The following MAOB variants were observed in gnomAD, a reference collection of about 807,000 sequenced individuals.
The protein encoded by MAOB is monoamine oxidase B.
In MAOB, 15 loss-of-function variants were observed where a neutral mutation model predicts 41.9. The observed-to-expected ratio is 0.36, with a 90% CI of 0.24 to 0.55. The LOEUF (loss-of-function observed/expected upper bound fraction) is 0.55. Ranked by LOEUF, MAOB falls within the 20% of genes least tolerant of loss-of-function variation. MAOB has a pLI of 0.86. For missense variants in MAOB, 345 were observed against 398.7 expected (o/e 0.87, Z 1.15); for synonymous variants, 167 against 144.2 (o/e 1.16, Z -1.13).
chrX:43,767,512 G>A lies in MAOB; in HGVS notation c.1517C>T (p.Ala506Val), dbSNP rs1398301212. 2 of 1,210,785 alleles carry A rather than the reference G, an allele frequency of 1.7e-6. No homozygotes were observed. The highest frequency in any genetic ancestry group is 2.2e-6 in the Non-Finnish European group (2 of 895,136). ...IGLTTIFSAT[A>V]LGFLAHKRGL... ...CCTTTTGTGGGCCAGGAAGCCAAGA[G>A]CCGTTGCTGAAAAGATGGTGGTCAA... The change falls in exon 15 of 15, where the codon GCT (alanine) becomes GTT (valine). Residue 506 changes from alanine (A) to valine (V), a missense_variant. By Grantham distance (64) the Ala-to-Val change is moderately conservative (BLOSUM62 0). Transcript: ENST00000378069.
rs186891358 is a variant in MAOB, at chrX:43,776,532, C to A, written c.1138-1260G>T. 2.1e-3 allele frequency among the ~76,000 whole-genome samples: 230 copies of A among 111,301 alleles called. 1 individual carries two copies. Among genetic ancestry groups the A allele is most frequent in the Non-Finnish European group, 3.7e-3 (194 of 53,043 alleles). On this transcript the variant is annotated intron_variant, in intron 11 of 14. Transcript: ENST00000378069. The stretch of plus-strand genomic sequence containing the variant: ...AACTTCACAAAGCTTGAATATCTAC[C>A]AGGGTGAAATATCTTGAATGGCTTT...
intron 3 of MAOB, among the ~76,000 whole-genome samples, chrX:43,826,689 A>G (rs1318666429): frequency 9.0e-6 from 1 of 111,713 alleles, no homozygotes; most frequent in African/African-American, 3.3e-5. Flanking sequence ...ATGGTGAGAA[A>G]TCACAAGTAT....
intron 3 of MAOB, among the ~76,000 whole-genome samples, chrX:43,828,389 G>A (rs1392368902): frequency 9.0e-6 from 1 of 110,787 alleles, no homozygotes; most frequent in African/African-American, 3.3e-5. Context: ...TAAATTCCTG[G>A]ATTAAGAATG....
At chrX:43,833,739 T>A (rs921619833) in intron 3 of MAOB, among the ~76,000 whole-genome samples, 4 of 112,359 alleles carry the variant, frequency 3.6e-5, no homozygotes, top group African/African-American at 1.3e-4. Flanking sequence ...CTGTTAAGTT[T>A]ATCCAGATAT....
At chrX:43,822,645 G>T (rs373456529) in intron 3 of MAOB, among the ~76,000 whole-genome samples, 3 of 112,037 alleles carry the variant, frequency 2.7e-5, no homozygotes, top group East Asian at 2.8e-4. Context: ...TATCAAAGAG[G>T]CATCTGTTTA....
intron 5 of MAOB, among the ~76,000 whole-genome samples, chrX:43,799,474 CA>C (rs2034567283): frequency 9.0e-6 from 1 of 111,094 alleles, no homozygotes; most frequent in South Asian, 3.8e-4. Flanking sequence ...CAATATTTAA[CA>C]AAAATATTGC....
intron 1 of MAOB, among the ~76,000 whole-genome samples, chrX:43,848,560 T>C (rs1191936113): frequency 9.0e-6 from 1 of 111,538 alleles, no homozygotes; most frequent in South Asian, 3.7e-4. Flanking sequence ...TTAGTTTTGT[T>C]TTGTTTTGTT....
In MAOB at chrX:43,818,284, G is replaced by T. The variant is rs191251372; in HGVS notation, c.280-14880C>A. On this transcript the variant is annotated intron_variant, in intron 3 of 14. Coordinates refer to ENST00000378069, the MANE Select transcript of MAOB (RefSeq NM_000898.5). ...CCATTCATCTGTTGATACACAGTTG[G>T]GTTGTTTCCACTTTTTGGCTATTAT... 2.7e-5 allele frequency among the ~76,000 whole-genome samples: 3 copies of T among 111,958 alleles called. No individual in the cohort carries two copies. The East Asian group carries it at 8.4e-4, about 31-fold the overall frequency.
chrX:43,811,688 A>G (rs762668539), intron 3 of MAOB, among the ~76,000 whole-genome samples: 1 of 111,289 alleles, frequency 9.0e-6, no homozygotes, highest in African/African-American at 3.3e-5. Flanking sequence ...CAATTTTTTA[A>G]ATTTTTAAAA....
chrX:43,818,786 A>G (rs960226920), intron 3 of MAOB, among the ~76,000 whole-genome samples: 1 of 111,868 alleles, frequency 8.9e-6, no homozygotes, highest in African/African-American at 3.2e-5. Flanking sequence ...TAAGAAATAC[A>G]CTGAAGAAGC....
intron 5 of MAOB, among the ~76,000 whole-genome samples, chrX:43,800,882 C>T (rs913853724): frequency 9.0e-6 from 1 of 111,233 alleles, no homozygotes; most frequent in Non-Finnish European, 1.9e-5. Context: ...ATATACCATA[C>T]CACAATAGCC....
chrX:43,811,102 T>A (rs1389037827), intron 3 of MAOB, among the ~76,000 whole-genome samples: 1 of 111,974 alleles, frequency 8.9e-6, no homozygotes, highest in East Asian at 2.8e-4. Context: ...ACATTTGAAC[T>A]CCACTTCCTA....
chrX:43,847,281 G>A (rs1304214477), intron 1 of MAOB, among the ~76,000 whole-genome samples: 2 of 111,152 alleles, frequency 1.8e-5, no homozygotes, highest in East Asian at 5.6e-4. Context: ...GGAGGCGGAG[G>A]TTGCAGTGAG....
chrX:43,807,780 A>T (rs928847450), intron 3 of MAOB, among the ~76,000 whole-genome samples: 5 of 112,279 alleles, frequency 4.5e-5, no homozygotes, highest in African/African-American at 1.6e-4. Flanking sequence ...TAATCTTTGT[A>T]TGCCTAGGAC....
At chrX:43,873,979 G>A (rs1404653938) in intron 1 of MAOB, among the ~76,000 whole-genome samples, 2 of 111,939 alleles carry the variant, frequency 1.8e-5, no homozygotes, top group African/African-American at 3.2e-5. Context: ...CCGGCCGACA[G>A]TTTTTATATA....
At chrX:43,776,548 G>T (rs2034258609) in intron 11 of MAOB, among the ~76,000 whole-genome samples, 1 of 110,548 alleles carries the variant, frequency 9.0e-6, no homozygotes, top group Admixed American at 9.6e-5. Flanking sequence ...GAAATATCTT[G>T]AATGGCTTTT....
At chrX:43,775,392 G>A in intron 11 of MAOB, 120 bp from the exon 12 acceptor site, 1 of 1,054,399 alleles carries the variant, frequency 9.5e-7, no homozygotes. Context: ...AAATAGAGTT[G>A]CATTATCCTG....
At chrX:43,860,342 G>A (rs2035324094) in intron 1 of MAOB, among the ~76,000 whole-genome samples, 1 of 111,418 alleles carries the variant, frequency 9.0e-6, no homozygotes, top group African/African-American at 3.3e-5. Context: ...CCCAAACAGA[G>A]CTTTTAAGTT....
chrX:43,803,182 A>ATCT lies in MAOB; in HGVS notation c.384+115_384+117dup. 3 of 582,867 alleles carry ATCT rather than the reference A, an allele frequency of 5.1e-6. No individual in the cohort carries two copies. In the South Asian group the frequency reaches 1.7e-4, roughly 34 times the overall value. The allele number at this position is 582,867 out of a possible 1,213,427, so 48.0% of individuals were successfully genotyped here. On this transcript the variant is annotated intron_variant, in intron 4 of 14. Coordinates refer to ENST00000378069, the MANE Select transcript of MAOB (RefSeq NM_000898.5). ...ACAAGTTCATTCATTCATTTCACAA[A>ATCT]TCTTTAGTTACCATGTGTTCACAAT...
Sources: allele counts gnomAD v4.1 joint callset (sites outside exome capture counted in the v4.1 genomes callset), GRCh38; gene constraint gnomAD v4.1.1; transcripts MANE v1.5; gene names NCBI Gene and HGNC (gene_info 2026-07-23, HGNC 2026-07-21).